Variants in DIS3L2 observed in about 807,000 individuals in gnomAD.
The protein encoded by DIS3L2 is DIS3-like exonuclease 2.
In DIS3L2, 34 loss-of-function variants were observed where a neutral mutation model predicts 97.5. The ratio of observed to expected loss-of-function variants is 0.35; its 90% confidence interval spans 0.27 to 0.46. The LOEUF (loss-of-function observed/expected upper bound fraction) is 0.46, where lower values mean the gene tolerates loss of function less well. Ranked by LOEUF, DIS3L2 falls within the 20% of genes least tolerant of loss-of-function variation. The pLI, the probability that DIS3L2 is intolerant of heterozygous loss-of-function variation, is 1.00. For synonymous variants in DIS3L2, 435 were observed against 445.2 expected (o/e 0.98, Z 0.29); for missense variants, 1,038 against 1,146.0 (o/e 0.91, Z 1.36).
At chr2:232,253,266 C>T (rs995119618) in intron 12 of DIS3L2, among the ~76,000 whole-genome samples, 14 of 152,220 alleles carry the variant, frequency 9.2e-5, no homozygotes, top group Admixed American at 6.5e-4. Flanking sequence ...GTGTGCTTGT[C>T]GGATTTGCAC....
chr2:232,137,709 A>G (rs1455161512), intron 8 of DIS3L2, among the ~76,000 whole-genome samples: 1 of 152,238 alleles, frequency 6.6e-6, no homozygotes, highest in Non-Finnish European at 1.5e-5. Flanking sequence ...AGTGTTTCAT[A>G]TATAAGAAAC....
intron 9 of DIS3L2, among the ~76,000 whole-genome samples, chr2:232,166,336 A>ACG (rs1308638856): frequency 6.6e-6 from 1 of 151,948 alleles, no homozygotes; most frequent in African/African-American, 2.4e-5. Context: ...CCACACACAC[A>ACG]CACGCGTGCG....
chr2:231,975,413 G>T (rs1338997201), intron 1 of DIS3L2, among the ~76,000 whole-genome samples: 1 of 151,950 alleles, frequency 6.6e-6, no homozygotes, highest in African/African-American at 2.4e-5. Flanking sequence ...AAAAAAAGAT[G>T]AGGGATGGGC....
rs149541480 is a variant in DIS3L2, at chr2:232,206,692, C to G, written c.1125-3634C>G. Among the ~76,000 whole-genome samples, 411 of 152,240 alleles carry G rather than the reference C, an allele frequency of 2.7e-3. 2 individuals carry two copies. The highest frequency in any genetic ancestry group is 4.2e-3 in the Non-Finnish European group (287 of 68,012). ...ATGGCTTATCTTTCCAGCAAGCAAG[C>G]CTTCCTGAGTACTGTTTGTCAGGTT... On this transcript the variant is annotated intron_variant, in intron 9 of 20. Transcript: ENST00000325385.
chr2:232,101,713 T>C (rs1697208698), intron 6 of DIS3L2, among the ~76,000 whole-genome samples: 1 of 152,240 alleles, frequency 6.6e-6, no homozygotes, highest in Admixed American at 6.5e-5. Context: ...AAGAGCTCTT[T>C]AGAGATTCAA....
chr2:232,047,241 T>G (rs779943920), intron 5 of DIS3L2, among the ~76,000 whole-genome samples: 8 of 152,244 alleles, frequency 5.3e-5, no homozygotes, highest in Non-Finnish European at 8.8e-5. Flanking sequence ...GTGTTACTGT[T>G]TTCCATTTGG....
chr2:232,171,171 A>G (rs1409873081), intron 9 of DIS3L2, among the ~76,000 whole-genome samples: 1 of 152,132 alleles, frequency 6.6e-6, no homozygotes, highest in Non-Finnish European at 1.5e-5. Flanking sequence ...TGTGAAATGG[A>G]TTTTTGACCA....
chr2:232,066,335 A>C (rs1306136299), intron 5 of DIS3L2, among the ~76,000 whole-genome samples: 1 of 152,028 alleles, frequency 6.6e-6, no homozygotes, highest in African/African-American at 2.4e-5. Context: ...TTTCATCATG[A>C]ATAGAAGTTG....
At chr2:232,055,854 A>AGTG (rs1291075333) in intron 5 of DIS3L2, among the ~76,000 whole-genome samples, 1 of 152,230 alleles carries the variant, frequency 6.6e-6, no homozygotes, top group Non-Finnish European at 1.5e-5. Context: ...GGAACAGTGC[A>AGTG]CTGCAGTGGA....
chr2:232,344,218 T>C (rs1220156976), exon 14 of DIS3L2: 2 of 152,336 alleles, frequency 1.3e-5, no homozygotes, highest in Admixed American at 6.5e-5. Flanking sequence ...TTATTTTTCT[T>C]ATCTTCAGGG....
intron 5 of DIS3L2, among the ~76,000 whole-genome samples, chr2:232,073,017 G>A (rs916623716): frequency 4.6e-5 from 7 of 152,066 alleles, no homozygotes; most frequent in African/African-American, 1.2e-4. Context: ...CAACAAATAC[G>A]CCCTTGAAAA....
chr2:232,252,002 G>GA (rs1693431347), intron 12 of DIS3L2, among the ~76,000 whole-genome samples: 1 of 462 alleles, frequency 2.2e-3, no homozygotes. Context: ...ATCCAATACA[G>GA]AAAGAAGTGA....
chr2:232,176,799 T>G (rs915970549), intron 9 of DIS3L2, among the ~76,000 whole-genome samples: 1 of 149,900 alleles, frequency 6.7e-6, no homozygotes, highest in East Asian at 1.9e-4. Context: ...ATTAATTTAT[T>G]ATTATTATTA....
chr2:231,988,673 T>TA (rs1347037650), intron 1 of DIS3L2, among the ~76,000 whole-genome samples: 1 of 152,160 alleles, frequency 6.6e-6, no homozygotes, highest in Non-Finnish European at 1.5e-5. Context: ...AGCAAGGCCT[T>TA]ACCGTGCTTA....
In DIS3L2 at chr2:232,083,064, A is replaced by G. The variant is rs567576747; in HGVS notation, c.367-4423A>G. On this transcript the variant is annotated intron_variant, in intron 5 of 20. Coordinates refer to ENST00000325385, the MANE Select transcript of DIS3L2 (RefSeq NM_152383.5). ...CTATCATGAGAACAGCACAGGAAAG[A>G]CCCACCCCCCCATGATTCAATTACC... 1.9e-4 allele frequency among the ~76,000 whole-genome samples: 8 copies of G among 42,338 alleles called. 2 individuals carry two copies. The South Asian group carries it at 5.4e-3, about 28-fold the overall frequency. The allele number at this position is 42,338 out of a possible 152,430, so 27.8% of individuals were successfully genotyped here.
rs1361144902 is a variant in DIS3L2 at position 232,276,482 on chromosome 2, G to A, written c.1659+13042G>A. 6.6e-6 allele frequency among the ~76,000 whole-genome samples: 1 copy of A among 150,430 alleles called. No homozygotes were observed. The highest frequency in any genetic ancestry group is 2.4e-5 in the African/African-American group (1 of 41,314). ...GCCTAGTTTCCTGGCTGGGATTCCT[G>A]ACCCCTGGTTGCCAAGACTACCTTG... On this transcript the variant is annotated intron_variant, in intron 13 of 20. Coordinates refer to ENST00000325385, the MANE Select transcript of DIS3L2 (RefSeq NM_152383.5). This position sits in a 1 kb window ranked among gnomAD's most constrained non-coding sequence, Gnocchi z 4.4.
chr2:232,290,417 T>C (rs2106311814), intron 13 of DIS3L2, among the ~76,000 whole-genome samples: 1 of 152,230 alleles, frequency 6.6e-6, no homozygotes, highest in East Asian at 1.9e-4. Flanking sequence ...GCTCACCCAG[T>C]AATACAGGTC....
chr2:232,329,790 C>CGGGGGGGG, intron 14 of DIS3L2, 23 bp from the exon 15 acceptor site: 2 of 315,332 alleles, frequency 6.3e-6, no homozygotes, highest in Non-Finnish European at 1.3e-5. Flanking sequence ...AGCGGTCCCT[C>CGGGGGGGG]CCATCCCACC....
chr2:232,195,573 G>T (rs2106200812), intron 9 of DIS3L2, among the ~76,000 whole-genome samples: 1 of 141,870 alleles, frequency 7.0e-6, no homozygotes. Flanking sequence ...GTGGGGTAGG[G>T]GTGGTGGGTG....
Sources: allele counts gnomAD v4.1 joint callset (sites outside exome capture counted in the v4.1 genomes callset), GRCh38; gene constraint gnomAD v4.1.1; non-coding constraint Gnocchi (gnomAD v3.1); transcripts MANE v1.5; gene names NCBI Gene and HGNC (gene_info 2026-07-23, HGNC 2026-07-21).